Variants in AGRN observed in about 807,000 individuals in gnomAD.
AGRN encodes the protein agrin proteoglycan.
A neutral mutation model predicts 211.0 loss-of-function variants in AGRN; 106 were observed. The observed-to-expected ratio is 0.50, with a 90% confidence interval of 0.43 to 0.59. The LOEUF (loss-of-function observed/expected upper bound fraction) is 0.59. AGRN is among the 20% of genes least tolerant of loss of function. The pLI, the probability that AGRN is intolerant of heterozygous loss-of-function variation, is 0.00. For missense variants in AGRN, 3,040 were observed against 2,982.6 expected (o/e 1.02, Z -0.45); for synonymous variants, 1,525 against 1,332.5 (o/e 1.14, Z -3.15).
rs1645220178 is a variant in AGRN, at chr1:1,049,762, A to G, written c.4711A>G (p.Arg1571Gly). The G allele has an allele frequency of 6.3e-7, 1 of 1,583,722 alleles. No homozygotes were observed. The highest frequency in any genetic ancestry group is 1.4e-5 in the African/African-American group (1 of 73,722). The change falls in exon 26 of 36, where the codon AGG becomes GGG. Residue 1571 changes from arginine (R) to glycine (G), a missense_variant. Arg to Gly is a moderately radical substitution (Grantham distance 125, BLOSUM62 -2). Coordinates refer to ENST00000379370, the MANE Select transcript of AGRN (RefSeq NM_198576.4). Reference sequence around the variant, plus strand: ...CCCATGCCAGAACCTGGAGGCTGGAAGGTTCCATTGCCAGTGCCCGCCCGG... The same window carrying G: ...CCCATGCCAGAACCTGGAGGCTGGAGGGTTCCATTGCCAGTGCCCGCCCGG... ...GAPCQNLEAGRFHCQCPPGRV... is the reference protein window; with the variant it reads ...GAPCQNLEAGGFHCQCPPGRV...
At chr1:1,034,676 T>C (rs1644757920) in intron 2 of AGRN, 1 of 989,510 alleles carries the variant, frequency 1.0e-6, no homozygotes, top group South Asian at 4.6e-5. Flanking sequence ...CACGCTCGGC[T>C]TCGCGGTGCT....
chr1:1,036,422 T>C (rs1644806500), intron 3 of AGRN, among the ~76,000 whole-genome samples: 1 of 151,864 alleles, frequency 6.6e-6, no homozygotes, highest in Non-Finnish European at 1.5e-5. Flanking sequence ...GATTCAGGGG[T>C]GTGAGATGGA....
At position 1,050,736 on chromosome 1, in the gene AGRN, C is replaced by A. The variant is rs375621931; in HGVS notation, c.5152C>A (p.Pro1718Thr). 76 of 1,602,578 alleles carry A rather than the reference C, an allele frequency of 4.7e-5. No individual in the cohort carries two copies. The highest frequency in any genetic ancestry group is 6.5e-5 in the Non-Finnish European group (76 of 1,177,138). ...GCCCCTCCTCACCAGGAGCAGGGAG[C>A]CAGTCACCCTGGGAGCCTGGACCAG... ...KGAAVIRSRE[P>T]VTLGAWTRVS... The change falls in exon 30 of 36, where the codon CCA becomes ACA. Residue 1718 changes from proline (P) to threonine (T), a missense_variant. Pro to Thr is a conservative substitution (Grantham distance 38). Coordinates refer to ENST00000379370, the MANE Select transcript of AGRN (RefSeq NM_198576.4).
chr1:1,053,279 T>TCGTGTCCGCAC (rs113523678), intron 33 of AGRN: 12,675 of 425,254 alleles, frequency 0.03, 1,088 homozygotes, highest in African/African-American at 0.21. Context: ...CTCACGTGTC[T>TCGTGTCCGCAC]CGTGTCCGCA....
chr1:1,049,366 C>G lies in AGRN; in HGVS notation c.4429C>G (p.Leu1477Val). The change falls in exon 25 of 36, where the codon CTG (leucine) becomes GTG (valine). Residue 1477 changes from leucine to valine, a missense_variant. Coordinates refer to ENST00000379370, the MANE Select transcript of AGRN (RefSeq NM_198576.4). ...TLSVDGETPVLGESPSGTDGL... is the reference protein window; with the variant it reads ...TLSVDGETPVVGESPSGTDGL... Reference sequence around the variant, plus strand: ...CTCGGTGGATGGTGAGACCCCTGTTCTGGGCGAGAGTCCCAGTGGCACCGA... The same window carrying G: ...CTCGGTGGATGGTGAGACCCCTGTTGTGGGCGAGAGTCCCAGTGGCACCGA... The G allele has an allele frequency of 6.3e-7, 1 of 1,598,566 alleles. No individual in the cohort carries two copies. Among genetic ancestry groups the G allele is most frequent in the Non-Finnish European group, 8.5e-7 (1 of 1,179,672 alleles).
chr1:1,024,576 C>A (rs1644478142), intron 2 of AGRN, among the ~76,000 whole-genome samples: 7 of 152,104 alleles, frequency 4.6e-5, no homozygotes, highest in Admixed American at 4.6e-4. Context: ...GAGACAAAGG[C>A]CCCTCCGAGC....
chr1:1,047,542 C>T, intron 20 of AGRN, 31 bp from the exon 21 acceptor site: 4 of 1,612,486 alleles, frequency 2.5e-6, no homozygotes, highest in Non-Finnish European at 3.4e-6. Flanking sequence ...CTTGGGCGGC[C>T]CCCCAAGTCC....
chr1:1,050,912 C>T (rs367624545), intron 30 of AGRN, 75 bp downstream of exon 30: 76 of 1,528,716 alleles, frequency 5.0e-5, no homozygotes, highest in East Asian at 3.4e-4. Context: ...CCGCCCCTGC[C>T]GGCGCTCACG....
rs149267690 is a variant in AGRN at position 1,048,722 on chromosome 1, G to A, written c.4106-145G>A. The A allele has an allele frequency of 0.013, 12,907 of 974,564 alleles. 1,089 individuals carry two copies. The African/African-American group carries it at 0.19, about 14-fold the overall frequency. 60.4% of individuals were successfully genotyped at this position (974,564 alleles called of 1,614,324 possible). On this transcript the variant is annotated intron_variant, in intron 23 of 35. Transcript: ENST00000379370. This position sits in a 1 kb window ranked among gnomAD's most constrained non-coding sequence, Gnocchi z 5.9. ...GCGGAGGTTGCGGTGAGCCAGGATC[G>A]CGCCACTGCACTCCAGCCGGGGCAA...
rs746627016 is a variant in AGRN at position 1,045,756 on chromosome 1, G to A, written c.2560G>A (p.Ala854Thr). ...AGCCTGCAGCTGTGATCCCCAAGGC[G>A]CCGTGCGGGATGACTGTGAGCAGAT... ...CTPCSCDPQG[A>T]VRDDCEQMTG... The change falls in exon 15 of 36, where the codon GCC becomes ACC. Residue 854 changes from alanine to threonine, a missense_variant. Physicochemically the swap from Ala to Thr is moderately conservative, Grantham distance 58. Transcript: ENST00000379370. The A allele has an allele frequency of 1.4e-5, 23 of 1,613,450 alleles. No individual in the cohort carries two copies. The highest frequency in any genetic ancestry group is 1.6e-4 in the Middle Eastern group (1 of 6,062).
In AGRN at chr1:1,032,847, G is replaced by A. The variant is rs182637578; in HGVS notation, c.464-2430G>A. 5.7e-4 allele frequency among the ~76,000 whole-genome samples: 87 copies of A among 152,228 alleles called. No individual in the cohort carries two copies. Among genetic ancestry groups the A allele is most frequent in the African/African-American group, 2.0e-3 (83 of 41,530 alleles). On this transcript the variant is annotated intron_variant, in intron 2 of 35. Transcript: ENST00000379370. This position sits in a 1 kb window ranked among gnomAD's most constrained non-coding sequence, Gnocchi z 4.7. The stretch of plus-strand genomic sequence containing the variant: ...GGGGTGTGCGGGGGCGCTGAGGTGC[G>A]GTCGCCGAGAGATTCTGGCCTCCAG...
In AGRN at chr1:1,054,868, T is replaced by C. The variant is rs928890435; in HGVS notation, c.6025T>C (p.Tyr2009His). 6.4e-7 allele frequency: 1 copy of C among 1,557,252 alleles called. No homozygotes were observed. The highest frequency in any genetic ancestry group is 1.9e-5 in the Admixed American group (1 of 52,504). Residue 2009 changes from tyrosine to histidine, a missense_variant, in exon 36 of 36, where the codon TAC becomes CAC. By Grantham distance (83) the Tyr-to-His change is moderately conservative. This residue lies in a region of AGRN where 1,537 missense variants were observed against 1,505.0 expected (regional missense o/e 1.02). Coordinates refer to ENST00000379370, the MANE Select transcript of AGRN (RefSeq NM_198576.4). ...CGTGGGCCCAGCACTGCCCAAGGCCTACGGCACAGGCTTTGTGGGCTGCTT... is the reference window on the plus strand; with the variant it reads ...CGTGGGCCCAGCACTGCCCAAGGCCCACGGCACAGGCTTTGTGGGCTGCTT... ...LPVGPALPKAYGTGFVGCLRD... is the reference protein window; with the variant it reads ...LPVGPALPKAHGTGFVGCLRD...
intron 2 of AGRN, among the ~76,000 whole-genome samples, chr1:1,033,009 G>A (rs899077043): frequency 7.9e-5 from 12 of 152,072 alleles, no homozygotes; most frequent in Non-Finnish European, 1.3e-4. Flanking sequence ...TGGGGACGCC[G>A]GACTACGCGT....
Position 1,051,293 on chromosome 1 carries a change from T to C in AGRN, c.5294T>C (p.Val1765Ala), listed in dbSNP as rs1645279656. 9.5e-6 allele frequency: 15 copies of C among 1,575,230 alleles called. No individual in the cohort carries two copies. The highest frequency in any genetic ancestry group is 1.2e-5 in the South Asian group (1 of 85,896). The change falls in exon 31 of 36, where the codon GTA becomes GCA. Residue 1765 changes from valine (V) to alanine (A), a missense_variant. Around this residue, in one of 3 missense-constraint regions of AGRN, gnomAD observed 1,537 missense variants for 1,505.0 expected, o/e 1.02. Coordinates refer to ENST00000379370, the MANE Select transcript of AGRN (RefSeq NM_198576.4). ...TVLNLKEPLY[V>A]GGAPDFSKLA... ...CTCAACCTGAAGGAGCCGCTCTACG[T>C]AGGGGGCGCTCCCGACTTCAGCAAG...
chr1:1,048,071 G>A lies in AGRN; in HGVS notation c.3811G>A (p.Ala1271Thr). The change falls in exon 23 of 36, where the codon GCC becomes ACC. Residue 1271 changes from alanine to threonine, a missense_variant. Ala to Thr is a moderately conservative substitution (Grantham distance 58, BLOSUM62 0). Coordinates refer to ENST00000379370, the MANE Select transcript of AGRN (RefSeq NM_198576.4). This position sits in a 1 kb window ranked among gnomAD's most constrained non-coding sequence, Gnocchi z 5.9. The stretch of plus-strand genomic sequence containing the variant: ...AGGAGCCATTGCTGCGGGAGCCACG[G>A]CCAGAGCCACCACTGCATCGCGCCT... ...TSGAIAAGAT[A>T]RATTASRLPS... The A allele has an allele frequency of 1.3e-6, 2 of 1,583,386 alleles. No homozygotes were observed. The highest frequency in any genetic ancestry group is 8.5e-7 in the Non-Finnish European group (1 of 1,171,774).
intron 2 of AGRN, among the ~76,000 whole-genome samples, chr1:1,033,012 C>T (rs537235635): frequency 6.6e-6 from 1 of 152,200 alleles, no homozygotes; most frequent in African/African-American, 2.4e-5. Flanking sequence ...GGACGCCGGA[C>T]TACGCGTCAG....
rs1357127438 is a variant in AGRN at position 1,054,560 on chromosome 1, T to C, written c.5980+9T>C. On this transcript the variant is annotated intron_variant, in intron 35 of 35. Transcript: ENST00000379370. ...TGGAGCCCTGTGGCTTGGTGAGTGTTTTGGGGAGACTAGAGAGGGATGCCC... is the reference window on the plus strand; with the variant it reads ...TGGAGCCCTGTGGCTTGGTGAGTGTCTTGGGGAGACTAGAGAGGGATGCCC... 5.1e-6 allele frequency: 8 copies of C among 1,581,428 alleles called. No homozygotes were observed. The highest frequency in any genetic ancestry group is 6.9e-6 in the Non-Finnish European group (8 of 1,165,046).
chr1:1,037,660 A>G (rs766579134), intron 3 of AGRN, among the ~76,000 whole-genome samples: 24 of 152,150 alleles, frequency 1.6e-4, no homozygotes, highest in Non-Finnish European at 2.6e-4. Context: ...ACCCCCAAAA[A>G]TGACCCATCG....
Position 1,049,683 on chromosome 1 carries a change from C to T in AGRN, c.4632C>T (p.Gly1544=), listed in dbSNP as rs1174638162. 4.4e-6 allele frequency: 7 copies of T among 1,573,828 alleles called. No homozygotes were observed. The highest frequency in any genetic ancestry group is 2.3e-5 in the East Asian group (1 of 42,842). Residue 1544 remains glycine, a synonymous_variant, in exon 26 of 36, where the codon GGC becomes GGT. Transcript: ENST00000379370. ...IGPGAATRGS[G]VGECGDHPCL... is the part of the protein sequence containing the mutation. Reference sequence around the variant, plus strand: ...CGGGGGCTGCCACCCGAGGCTCTGGCGTGGGCGAGTGCGGGGACCACCCCT... The same window carrying T: ...CGGGGGCTGCCACCCGAGGCTCTGGTGTGGGCGAGTGCGGGGACCACCCCT...
Sources: allele counts gnomAD v4.1 joint callset (sites outside exome capture counted in the v4.1 genomes callset), GRCh38; gene constraint gnomAD v4.1.1; regional missense constraint gnomAD v4.1.1; non-coding constraint Gnocchi (gnomAD v3.1); transcripts MANE v1.5; gene names NCBI Gene and HGNC (gene_info 2026-07-23, HGNC 2026-07-21).